The following SEC14L3 variants were observed in gnomAD, a reference collection of about 807,000 sequenced individuals.
SEC14L3 encodes the protein SEC14 like lipid binding 3.
Under a neutral mutation model 57.4 loss-of-function variants are expected in SEC14L3, and 56 were observed. The ratio of observed to expected loss-of-function variants is 0.97; its 90% CI spans 0.79 to 1.22. The LOEUF (loss-of-function observed/expected upper bound fraction) is 1.22. Among genes scored for constraint, SEC14L3 ranks in the 50% most tolerant of loss-of-function variants. The pLI is 0.00. For synonymous variants in SEC14L3, 173 were observed against 194.4 expected, an observed-to-expected ratio of 0.89 and a Z score of 0.92; for missense variants, 485 against 511.7, an observed-to-expected ratio of 0.95 and a Z score of 0.50.
chr22:30,453,392 C>A (rs1222684859), intron 12 of SEC14L3, among the ~76,000 whole-genome samples: 1 of 152,148 alleles, frequency 6.6e-6, no homozygotes, highest in South Asian at 2.1e-4. Flanking sequence ...CTAGGTGACA[C>A]CTCATTGCCA....
downstream of SEC14L3, among the ~76,000 whole-genome samples, chr22:30,455,245 T>A (rs938188540): frequency 4.6e-5 from 6 of 129,102 alleles, no homozygotes; most frequent in African/African-American, 1.5e-4. Flanking sequence ...ATTTAATATA[T>A]TATATATAAT....
At chr22:30,451,991 C>CAAAAA (rs34799395) in intron 12 of SEC14L3, among the ~76,000 whole-genome samples, 56 of 33,522 alleles carry the variant, frequency 1.7e-3, no homozygotes, top group Non-Finnish European at 1.8e-3. Flanking sequence ...GACTCCATCT[C>CAAAAA]AAAAAAAAAA....
At chr22:30,471,801 G>C in intron 1 of SEC14L3, 104 bp downstream of exon 1, 1 of 1,503,972 alleles carries the variant, frequency 6.6e-7, no homozygotes, top group Non-Finnish European at 9.2e-7. Context: ...ACAATGTCAA[G>C]GACATGCTGA....
chr22:30,471,879 G>A lies in SEC14L3; in HGVS notation c.54+26C>T, dbSNP rs112658259. On this transcript the variant is annotated intron_variant, in intron 1 of 11. Transcript: ENST00000215812. Reference sequence around the variant, plus strand: ...CCCAGCCCCTTTCCCCTGGTCTTCCGGAACTCCAGGGGGAGGGGCTCTCAC... The same window carrying A: ...CCCAGCCCCTTTCCCCTGGTCTTCCAGAACTCCAGGGGGAGGGGCTCTCAC... 6.3e-5 allele frequency: 102 copies of A among 1,613,318 alleles called. 1 individual carries two copies. The highest frequency in any genetic ancestry group is 3.3e-4 in the Middle Eastern group (2 of 6,044).
At chr22:30,451,007 G>A (rs1021072679) in intron 12 of SEC14L3, among the ~76,000 whole-genome samples, 1 of 152,262 alleles carries the variant, frequency 6.6e-6, no homozygotes, top group Non-Finnish European at 1.5e-5. Flanking sequence ...CCTCCTGACT[G>A]GGCAGGTCTT....
In SEC14L3 at chr22:30,470,583, C is replaced by A; in HGVS notation, c.55-1G>T. 6.2e-7 allele frequency: 1 copy of A among 1,614,194 alleles called. No individual in the cohort carries two copies. Among genetic ancestry groups the A allele is most frequent in the Non-Finnish European group, 8.5e-7 (1 of 1,180,034 alleles). On this transcript the variant is annotated splice_acceptor_variant, in intron 1 of 11. Transcript: ENST00000215812. LOFTEE classifies it high-confidence loss of function. Reference sequence around the variant, plus strand: ...GCACATCCTGGACGTTTTCTCGGAACTGGCAAGAGAGATGCTGGTTAAAGT... The same window carrying A: ...GCACATCCTGGACGTTTTCTCGGAAATGGCAAGAGAGATGCTGGTTAAAGT...
intron 12 of SEC14L3, among the ~76,000 whole-genome samples, chr22:30,451,968 G>C (rs1934989265): frequency 7.8e-6 from 1 of 128,424 alleles, no homozygotes; most frequent in African/African-American, 3.0e-5. Context: ...CTCCAGCATG[G>C]GCAAGAGAGT....
chr22:30,456,315 A>AG (rs1321663517), downstream of SEC14L3, among the ~76,000 whole-genome samples: 2 of 151,156 alleles, frequency 1.3e-5, no homozygotes, highest in Admixed American at 6.6e-5. Context: ...AAAAAAAAAA[A>AG]AAACAAACAC....
At chr22:30,466,844 C>T (rs796132626) in intron 6 of SEC14L3, 138 bp downstream of exon 6, 1 of 723,652 alleles carries the variant, frequency 1.4e-6, no homozygotes, top group Non-Finnish European at 2.3e-6. Context: ...GGTATTAAGG[C>T]CTTCTGGAGT....
chr22:30,462,089 GGT>G lies in SEC14L3; in HGVS notation c.766_767del (p.Thr256GlnfsTer3). ...TDPDGNPKCL[T>X]KINYGGEIPK... ...CCCAGGGAAGGGCTCTTTGTACCTT[GGT>G]TAAACATTTGGGGTTCCCATCTGGG... On this transcript the variant is annotated frameshift_variant, in exon 9 of 12. Transcript: ENST00000215812. LOFTEE classifies it high-confidence loss of function. 1 of 1,613,984 alleles carries G rather than the reference GGT, an allele frequency of 6.2e-7. No homozygotes were observed. The highest frequency in any genetic ancestry group is 1.1e-5 in the South Asian group (1 of 91,018).
intron 11 of SEC14L3, 25 bp from the exon 12 acceptor site, chr22:30,460,167 C>A (rs200146605): frequency 7.0e-5 from 113 of 1,612,222 alleles, no homozygotes; most frequent in Middle Eastern, 1.7e-4. Flanking sequence ...GAAAGAGGGG[C>A]ATTGGGCTTG....
At chr22:30,455,137 A>G (rs1370792028), downstream of SEC14L3, among the ~76,000 whole-genome samples, 2 of 94,062 alleles carry the variant, frequency 2.1e-5, no homozygotes, top group Non-Finnish European at 3.8e-5. Context: ...ATTATATTTA[A>G]TATTTAATAT....
Position 30,468,624 on chromosome 22 carries a change from T to C in SEC14L3, c.307A>G (p.Ile103Val). Residue 103 changes from isoleucine to valine, a missense_variant, in exon 5 of 12, where the codon ATT becomes GTT. Coordinates refer to ENST00000215812, the MANE Select transcript of SEC14L3 (RefSeq NM_174975.5). ...RDGCPVWYDIIGPLDPKGLLF... is the reference protein window; with the variant it reads ...RDGCPVWYDIVGPLDPKGLLF... ...AACCCCTTGGGATCAAGTGGCCCAA[T>C]GATGTCATACCACACGGGGCAGCCA... 1 of 1,613,890 alleles carries C rather than the reference T, an allele frequency of 6.2e-7. No homozygotes were observed.
intron 7 of SEC14L3, 139 bp downstream of exon 7, chr22:30,466,195 C>T (rs927566790): frequency 2.8e-6 from 2 of 723,996 alleles, no homozygotes; most frequent in Non-Finnish European, 4.8e-6. Flanking sequence ...TTACTCTATG[C>T]CAGGCATTCT....
Position 30,449,216 on chromosome 22 carries a change from G to A in SEC14L3, c.933C>T (p.Cys311=), listed in dbSNP as rs988843029. The change falls in exon 13 of 13, where the codon TGC becomes TGT. Residue 311 remains cysteine (C), a synonymous_variant. Transcript: ENST00000403066. ...TGCATATAATCACGGGCAGATGACA[G>A]CAAGACTTCCCAGACTCACTTTCCA... 4 of 1,550,404 alleles carry A rather than the reference G, an allele frequency of 2.6e-6. No individual in the cohort carries two copies. The African/African-American group carries it at 4.1e-5, about 16-fold the overall frequency.
chr22:30,460,235 A>T, intron 11 of SEC14L3, 93 bp from the exon 12 acceptor site: 1 of 1,529,118 alleles, frequency 6.5e-7, no homozygotes. Flanking sequence ...TTGTGTTCCC[A>T]CTGGCTTTGT....
chr22:30,471,777 G>T, intron 1 of SEC14L3, 128 bp downstream of exon 1: 1 of 1,361,882 alleles, frequency 7.3e-7, no homozygotes, highest in East Asian at 2.3e-5. Flanking sequence ...CCTTTGGGAG[G>T]TAACACCAAA....
chr22:30,471,579 T>C (rs1358727857), intron 1 of SEC14L3, among the ~76,000 whole-genome samples: 1 of 152,210 alleles, frequency 6.6e-6, no homozygotes, highest in African/African-American at 2.4e-5. Flanking sequence ...CTCCTACCTA[T>C]GGTGCCTGGG....
At chr22:30,456,424 G>A (rs1483283988), downstream of SEC14L3, among the ~76,000 whole-genome samples, 3 of 151,994 alleles carry the variant, frequency 2.0e-5, no homozygotes, top group Admixed American at 6.6e-5. Context: ...GCATGGTGCC[G>A]GCATCTGCTC....
Sources: allele counts gnomAD v4.1 joint callset (sites outside exome capture counted in the v4.1 genomes callset), GRCh38; gene constraint gnomAD v4.1.1; transcripts MANE v1.5; gene names NCBI Gene and HGNC (gene_info 2026-07-23, HGNC 2026-07-21).